Variants in NFATC1 observed in about 807,000 individuals in gnomAD.
NFATC1 encodes the protein nuclear factor of activated T cells 1.
Under a neutral mutation model 76.0 loss-of-function variants are expected in NFATC1, and 22 were observed. That is an observed-to-expected ratio of 0.29 (90% CI 0.21 to 0.41). The LOEUF is 0.41. Among genes scored for constraint, NFATC1 ranks in the 10% least tolerant of loss-of-function variants. The pLI, the probability that NFATC1 is intolerant of heterozygous loss-of-function variation, is 1.00. For synonymous variants in NFATC1, 704 were observed against 613.1 expected (o/e 1.15, Z -2.19); for missense variants, 1,357 against 1,337.7 (o/e 1.01, Z -0.23).
At position 79,410,657 on chromosome 18, in the gene NFATC1, C is replaced by T. The variant is rs748057551; in HGVS notation, c.382C>T (p.Leu128=). The T allele has an allele frequency of 1.2e-6, 2 of 1,613,266 alleles. No homozygotes were observed. Among genetic ancestry groups the T allele is most frequent in the Non-Finnish European group, 1.7e-6 (2 of 1,180,028 alleles). Residue 128 remains leucine, a synonymous_variant, in exon 2 of 10, where the codon CTG becomes TTG. Coordinates refer to ENST00000427363, the MANE Select transcript of NFATC1 (RefSeq NM_001278669.2). This position sits in a 1 kb window ranked among gnomAD's most constrained non-coding sequence, Gnocchi z 6.7. The part of the protein sequence containing the change: ...PRIEITSCLG[L]YHNNNQFFHD... ...CATCGAGATAACCTCGTGCTTGGGC[C>T]TGTACCACAACAATAACCAGTTTTT...
intron 4 of NFATC1, among the ~76,000 whole-genome samples, chr18:79,450,152 G>C (rs80321964): frequency 0.1 from 15,929 of 152,198 alleles, 1,123 homozygotes; most frequent in Non-Finnish European, 0.15. Context: ...CCGCGCTCCA[G>C]CCCTGTGCTG....
intron 2 of NFATC1, among the ~76,000 whole-genome samples, chr18:79,418,374 C>T (rs992846999): frequency 6.6e-6 from 1 of 152,198 alleles, no homozygotes; most frequent in Non-Finnish European, 1.5e-5. Context: ...GAGCAGACCC[C>T]GCAACCTACA....
At chr18:79,413,599 C>T (rs1274828274) in intron 2 of NFATC1, among the ~76,000 whole-genome samples, 2 of 152,234 alleles carry the variant, frequency 1.3e-5, no homozygotes, top group South Asian at 2.1e-4. Flanking sequence ...AGACACAGCC[C>T]CACGCTGGGC....
At chr18:79,397,328 C>T (rs1314374826) in intron 1 of NFATC1, among the ~76,000 whole-genome samples, 1 of 152,262 alleles carries the variant, frequency 6.6e-6, no homozygotes, top group Non-Finnish European at 1.5e-5. Flanking sequence ...AGCGCCAGCA[C>T]ACCTGCCAAC....
At chr18:79,433,979 G>A (rs532207257) in intron 3 of NFATC1, among the ~76,000 whole-genome samples, 2 of 152,374 alleles carry the variant, frequency 1.3e-5, no homozygotes, top group South Asian at 2.1e-4. Flanking sequence ...AGCAGCTCTC[G>A]TATCCGTGGA....
rs2087489297 is a variant in NFATC1 at position 79,451,870 on chromosome 18, C to A, written c.1903+54C>A. 8.3e-6 allele frequency: 13 copies of A among 1,559,230 alleles called. No homozygotes were observed. The East Asian group carries it at 2.8e-4, about 33-fold the overall frequency. On this transcript the variant is annotated intron_variant, in intron 6 of 9. Coordinates refer to ENST00000427363, the MANE Select transcript of NFATC1 (RefSeq NM_001278669.2). ...GCCTGGGCTTCGGCGCTGGTGGGAA[C>A]CGGTTCCCAGTCGGTGGAGCAGGAC...
intron 2 of NFATC1, among the ~76,000 whole-genome samples, chr18:79,425,089 CTG>C (rs2086262920): frequency 1.3e-5 from 2 of 151,248 alleles, no homozygotes; most frequent in African/African-American, 4.9e-5. Context: ...CTCTCCATCT[CTG>C]TCTCTCCATC....
intron 1 of NFATC1, among the ~76,000 whole-genome samples, chr18:79,409,888 GTTAGA>G: frequency 6.6e-6 from 1 of 152,218 alleles, no homozygotes; most frequent in East Asian, 1.9e-4. Flanking sequence ...AAAACAGGCT[GTTAGA>G]TTGTGATACG....
In NFATC1 at chr18:79,411,974, A is replaced by C. The variant is rs554175817; in HGVS notation, c.1226+473A>C. On this transcript the variant is annotated intron_variant, in intron 2 of 9. Transcript: ENST00000427363. Reference sequence around the variant, plus strand: ...CTGCTGCTCCCGCTTCCTCCCCTGCAGTAATTGCCTTCCCTGCCTCGGGTG... The same window carrying C: ...CTGCTGCTCCCGCTTCCTCCCCTGCCGTAATTGCCTTCCCTGCCTCGGGTG... Among the ~76,000 whole-genome samples, 546 of 152,234 alleles carry C rather than the reference A, an allele frequency of 3.6e-3. 4 individuals are homozygous for C. The highest frequency in any genetic ancestry group is 0.012 in the African/African-American group (501 of 41,546).
At chr18:79,458,356 G>C (rs960598741) in intron 6 of NFATC1, among the ~76,000 whole-genome samples, 57 of 152,202 alleles carry the variant, frequency 3.7e-4, no homozygotes, top group Non-Finnish European at 1.8e-4. Flanking sequence ...GAGACGCCGT[G>C]GGGAGCAGGG....
intron 8 of NFATC1, among the ~76,000 whole-genome samples, chr18:79,484,581 C>CGT (rs1266888270): frequency 6.6e-6 from 1 of 152,308 alleles, no homozygotes; most frequent in East Asian, 1.9e-4. Context: ...TCTTTCTACT[C>CGT]AGAGGGTGGA....
intron 1 of NFATC1, among the ~76,000 whole-genome samples, chr18:79,402,762 C>G (rs1568912958): frequency 1.3e-5 from 2 of 152,192 alleles, no homozygotes; most frequent in African/African-American, 4.8e-5. Context: ...GCTGTTTTCT[C>G]CTTTCTTTTT....
At chr18:79,413,469 C>G (rs1252016352) in intron 2 of NFATC1, among the ~76,000 whole-genome samples, 2 of 152,188 alleles carry the variant, frequency 1.3e-5, no homozygotes, top group Non-Finnish European at 2.9e-5. Context: ...CCTCATCTCT[C>G]CATCCACCGT....
intron 8 of NFATC1, among the ~76,000 whole-genome samples, chr18:79,484,116 G>A (rs1442913902): frequency 6.6e-6 from 1 of 151,948 alleles, no homozygotes; most frequent in Non-Finnish European, 1.5e-5. Flanking sequence ...GGTGGCTGAC[G>A]AGGCGGGGGG....
chr18:79,477,714 C>T (rs1346235171), intron 8 of NFATC1, among the ~76,000 whole-genome samples: 1 of 152,222 alleles, frequency 6.6e-6, no homozygotes, highest in Non-Finnish European at 1.5e-5. Context: ...CGGCTGGGCA[C>T]CTTGTAAACA....
At chr18:79,409,015 G>A (rs200474670) in intron 1 of NFATC1, among the ~76,000 whole-genome samples, 16,344 of 42,894 alleles carry the variant, frequency 0.38, 3,372 homozygotes, top group East Asian at 0.71. Context: ...CTATCCATCC[G>A]TCCATCCATC....
At chr18:79,400,268 C>CGGGGGCG (rs1353599983) in intron 1 of NFATC1, 2 of 968,804 alleles carry the variant, frequency 2.1e-6, no homozygotes, top group African/African-American at 2.2e-5. Flanking sequence ...GGGGCGGGGG[C>CGGGGGCG]GGGGCGGGGA....
intron 6 of NFATC1, among the ~76,000 whole-genome samples, chr18:79,455,008 C>G (rs148086098): frequency 6.6e-6 from 1 of 152,170 alleles, no homozygotes; most frequent in Non-Finnish European, 1.5e-5. Flanking sequence ...TCAACATAAA[C>G]GAAACGCCCG....
intron 1 of NFATC1, among the ~76,000 whole-genome samples, chr18:79,407,732 A>G (rs577516563): frequency 2.8e-4 from 42 of 152,354 alleles, no homozygotes; most frequent in Admixed American, 1.9e-3. Flanking sequence ...GGCGTGAGCC[A>G]CCGCGCCTGG....
Sources: allele counts gnomAD v4.1 joint callset (sites outside exome capture counted in the v4.1 genomes callset), GRCh38; gene constraint gnomAD v4.1.1; non-coding constraint Gnocchi (gnomAD v3.1); transcripts MANE v1.5; gene names NCBI Gene and HGNC (gene_info 2026-07-23, HGNC 2026-07-21).